The following KIF6 variants were observed in gnomAD, a reference collection of about 807,000 sequenced individuals.
KIF6 encodes kinesin-like protein KIF6.
KIF6 carries 106 observed loss-of-function variants against 112.7 expected under a neutral mutation model. The ratio of observed to expected loss-of-function variants is 0.94; its 90% CI spans 0.80 to 1.11. The LOEUF is 1.11. Ranked by LOEUF, KIF6 falls within the 50% of genes least tolerant of loss-of-function variation. KIF6 has a pLI of 0.00. For synonymous variants in KIF6, 339 were observed against 339.9 expected, an observed-to-expected ratio of 1.00 and a Z score of 0.03; for missense variants, 929 against 964.0, an observed-to-expected ratio of 0.96 and a Z score of 0.48.
intron 9 of KIF6, among the ~76,000 whole-genome samples, chr6:39,582,807 G>T (rs1373283842): frequency 6.6e-6 from 1 of 152,166 alleles, no homozygotes; most frequent in African/African-American, 2.4e-5. Context: ...CATAGGAAAT[G>T]CCACCCAAGT....
At chr6:39,463,575 T>A (rs1224622758) in intron 13 of KIF6, among the ~76,000 whole-genome samples, 2 of 152,232 alleles carry the variant, frequency 1.3e-5, no homozygotes, top group Non-Finnish European at 2.9e-5. Flanking sequence ...AAAAGTGTAC[T>A]CATCTTTTTT....
intron 18 of KIF6, among the ~76,000 whole-genome samples, chr6:39,360,031 G>T (rs1300343641): frequency 6.6e-6 from 1 of 152,058 alleles, no homozygotes; most frequent in Admixed American, 6.6e-5. Context: ...TTTCTGCCTA[G>T]TAAAATTTCT....
intron 5 of KIF6, among the ~76,000 whole-genome samples, chr6:39,628,007 T>C (rs1339734965): frequency 6.6e-6 from 1 of 152,212 alleles, no homozygotes; most frequent in Admixed American, 6.6e-5. Context: ...TATATGCATA[T>C]GTATGTCTAT....
At chr6:39,531,744 C>A (rs982771578) in intron 13 of KIF6, among the ~76,000 whole-genome samples, 1 of 152,136 alleles carries the variant, frequency 6.6e-6, no homozygotes, top group African/African-American at 2.4e-5. Flanking sequence ...AGCATCCAAT[C>A]TGCCCCAGAT....
In KIF6 at chr6:39,397,517, G is replaced by T. The variant is rs146920559; in HGVS notation, c.1811-11845C>A. ...GCTTTTCAGGAGTGACATATTTCAG[G>T]AAGAACATCGTTTCCCCCTCCCTGA... On this transcript the variant is annotated intron_variant, in intron 15 of 22. Transcript: ENST00000287152. Among the ~76,000 whole-genome samples, 328 of 150,108 alleles carry T rather than the reference G, an allele frequency of 2.2e-3. 3 individuals are homozygous for T. The highest frequency in any genetic ancestry group is 6.8e-3 in the Middle Eastern group (2 of 294).
chr6:39,678,223 C>T (rs984775410), intron 3 of KIF6, among the ~76,000 whole-genome samples: 3 of 151,712 alleles, frequency 2.0e-5, no homozygotes, highest in Non-Finnish European at 2.9e-5. Context: ...ACTAGTTCAA[C>T]CATTGTGGAA....
intron 13 of KIF6, among the ~76,000 whole-genome samples, chr6:39,521,897 C>T (rs1777421455): frequency 1.3e-5 from 2 of 152,296 alleles, no homozygotes; most frequent in Admixed American, 1.3e-4. Context: ...TGGCCACCCA[C>T]AAAATGCAAG....
At position 39,395,518 on chromosome 6, in the gene KIF6, C is replaced by T. The variant is rs1007906836; in HGVS notation, c.1811-9846G>A. Among the ~76,000 whole-genome samples the T allele has an allele frequency of 2.1e-4, 32 of 152,166 alleles. 1 individual carries two copies. Among genetic ancestry groups the T allele is most frequent in the African/African-American group, 7.5e-4 (31 of 41,440 alleles). On this transcript the variant is annotated intron_variant, in intron 15 of 22. Coordinates refer to ENST00000287152, the MANE Select transcript of KIF6 (RefSeq NM_145027.6). ...TCTTCTCAGCAAAGGGGGATATAACCAGCTTCCAAGGCCTGCCCTGGAGGA... is the reference window on the plus strand; with the variant it reads ...TCTTCTCAGCAAAGGGGGATATAACTAGCTTCCAAGGCCTGCCCTGGAGGA...
chr6:39,516,552 T>A (rs1339323696), intron 13 of KIF6, among the ~76,000 whole-genome samples: 1 of 150,964 alleles, frequency 6.6e-6, no homozygotes, highest in African/African-American at 2.4e-5. Context: ...GGAAATGATC[T>A]CATACCCACA....
chr6:39,346,072 C>CTT, intron 20 of KIF6, among the ~76,000 whole-genome samples: 1 of 20,454 alleles, frequency 4.9e-5, no homozygotes. Context: ...CTCTCTCTCT[C>CTT]TCTCTCTCTC....
chr6:39,432,518 T>C (rs1771234444), intron 13 of KIF6, among the ~76,000 whole-genome samples: 1 of 152,124 alleles, frequency 6.6e-6, no homozygotes, highest in Admixed American at 6.5e-5. Flanking sequence ...TTGATAAAAA[T>C]AGCACCGTGA....
chr6:39,620,027 AT>A (rs1783729567), intron 5 of KIF6, among the ~76,000 whole-genome samples: 1 of 152,156 alleles, frequency 6.6e-6, no homozygotes, highest in Admixed American at 6.5e-5. Flanking sequence ...TCATACACTT[AT>A]CTATTGCCCG....
intron 10 of KIF6, among the ~76,000 whole-genome samples, chr6:39,556,139 C>A (rs546769888): frequency 9.2e-5 from 14 of 152,118 alleles, no homozygotes; most frequent in Non-Finnish European, 7.3e-5. Flanking sequence ...TCCATAGATA[C>A]TAATAACTCC....
Position 39,362,410 on chromosome 6 carries a change from G to C in KIF6, c.1946+24C>G, listed in dbSNP as rs543870330. 7 of 1,584,734 alleles carry C rather than the reference G, an allele frequency of 4.4e-6. No homozygotes were observed. The South Asian group carries it at 5.5e-5, about 13-fold the overall frequency. ...GACCCTGGGAGGCTGGGCTCGGACT[G>C]TGTGTGGCTAAAAGGAAGGGCACCT... is the stretch of plus-strand genomic sequence containing the variant. On this transcript the variant is annotated intron_variant, in intron 17 of 22. Transcript: ENST00000287152.
rs555097386 is a variant in KIF6, at chr6:39,507,806, A to G, written c.1645+32197T>C. Among the ~76,000 whole-genome samples, 14 of 150,638 alleles carry G rather than the reference A, an allele frequency of 9.3e-5. No homozygotes were observed. In the East Asian group the frequency reaches 2.8e-3, roughly 30 times the overall value. On this transcript the variant is annotated intron_variant, in intron 13 of 22. Transcript: ENST00000287152. Reference sequence around the variant, plus strand: ...CTATATATAATATTATTTCCCTAAAAGGCCATCTCCTACCACTTGACCACT... The same window carrying G: ...CTATATATAATATTATTTCCCTAAAGGGCCATCTCCTACCACTTGACCACT...
intron 13 of KIF6, among the ~76,000 whole-genome samples, chr6:39,475,225 C>T (rs1774355321): frequency 6.6e-6 from 1 of 152,158 alleles, no homozygotes; most frequent in South Asian, 2.1e-4. Flanking sequence ...GAAATAATTA[C>T]CCTCCCTGCC....
At chr6:39,707,452 C>T (rs192027500) in intron 3 of KIF6, among the ~76,000 whole-genome samples, 1 of 152,210 alleles carries the variant, frequency 6.6e-6, no homozygotes, top group Non-Finnish European at 1.5e-5. Context: ...GTTTCTCCAG[C>T]ATCCAATCTG....
At chr6:39,389,377 A>T (rs1383143692) in intron 15 of KIF6, among the ~76,000 whole-genome samples, 1 of 152,132 alleles carries the variant, frequency 6.6e-6, no homozygotes, top group African/African-American at 2.4e-5. Flanking sequence ...AATTTCTGGG[A>T]TGCTGTGCCT....
At chr6:39,406,947 G>A (rs1437405971) in intron 15 of KIF6, among the ~76,000 whole-genome samples, 1 of 152,012 alleles carries the variant, frequency 6.6e-6, no homozygotes, top group African/African-American at 2.4e-5. Flanking sequence ...GGTAGAGATG[G>A]GGTCTCACTA....
Sources: allele counts gnomAD v4.1 joint callset (sites outside exome capture counted in the v4.1 genomes callset), GRCh38; gene constraint gnomAD v4.1.1; transcripts MANE v1.5; gene names NCBI Gene and HGNC (gene_info 2026-07-23, HGNC 2026-07-21).